Variants in SPAG16 observed in about 807,000 individuals in gnomAD.
The protein encoded by SPAG16 is sperm associated antigen 16.
In SPAG16, 86 loss-of-function variants were observed where a neutral mutation model predicts 80.4. The observed-to-expected ratio is 1.07, with a 90% CI of 0.90 to 1.28. SPAG16 has a LOEUF of 1.28. SPAG16 is among the 50% of genes most tolerant of loss of function. SPAG16 has a pLI of 0.00. For synonymous variants in SPAG16, 294 were observed against 265.9 expected (o/e 1.11, Z -1.03); for missense variants, 870 against 765.3 (o/e 1.14, Z -1.61).
chr2:213,334,306 TAATG>T (rs2064245411), intron 5 of SPAG16, among the ~76,000 whole-genome samples: 1 of 151,998 alleles, frequency 6.6e-6, no homozygotes, highest in African/African-American at 2.4e-5. Flanking sequence ...AGACAGGTAA[TAATG>T]CTGGCGAGGA....
intron 12 of SPAG16, among the ~76,000 whole-genome samples, chr2:213,992,309 A>G (rs2046323474): frequency 6.6e-6 from 1 of 152,238 alleles, no homozygotes; most frequent in East Asian, 1.9e-4. Context: ...TGAATTTCCT[A>G]GACAGTACAC....
intron 5 of SPAG16, among the ~76,000 whole-genome samples, chr2:213,329,504 G>C (rs1016665949): frequency 5.9e-5 from 9 of 152,204 alleles, no homozygotes; most frequent in African/African-American, 1.9e-4. Context: ...ACTTGAGAGA[G>C]ATGATTTAGG....
intron 10 of SPAG16, among the ~76,000 whole-genome samples, chr2:213,843,819 C>G (rs1033100829): frequency 6.6e-6 from 1 of 152,116 alleles, no homozygotes; most frequent in Admixed American, 6.5e-5. Context: ...CCACTGCACT[C>G]CAGCCTGGGC....
At chr2:213,390,852 A>C (rs953662890) in intron 9 of SPAG16, among the ~76,000 whole-genome samples, 1 of 152,166 alleles carries the variant, frequency 6.6e-6, no homozygotes, top group Non-Finnish European at 1.5e-5. Context: ...GGCTTTTCAA[A>C]GCTTGGTTTA....
At chr2:213,787,436 G>C (rs1283895554) in intron 10 of SPAG16, among the ~76,000 whole-genome samples, 1 of 151,814 alleles carries the variant, frequency 6.6e-6, no homozygotes, top group South Asian at 2.1e-4. Context: ...TCATGACTTG[G>C]GTTTAGATGT....
intron 10 of SPAG16, among the ~76,000 whole-genome samples, chr2:213,586,159 A>C (rs1207797977): frequency 1.3e-5 from 2 of 152,222 alleles, no homozygotes; most frequent in African/African-American, 4.8e-5. Context: ...TGGCTATATG[A>C]AATAAAACAT....
intron 9 of SPAG16, among the ~76,000 whole-genome samples, chr2:213,435,412 C>T (rs13029533): frequency 0.26 from 39,709 of 151,924 alleles, 6,045 homozygotes; most frequent in Middle Eastern, 0.44. Context: ...GGGTGAGGGA[C>T]AAGAAATTAC....
intron 11 of SPAG16, among the ~76,000 whole-genome samples, chr2:213,888,163 CA>C: frequency 6.6e-6 from 1 of 151,956 alleles, no homozygotes; most frequent in African/African-American, 2.4e-5. Context: ...AACTTTTCTA[CA>C]AGGGAATTAT....
intron 7 of SPAG16, among the ~76,000 whole-genome samples, chr2:213,358,103 G>A (rs1378195129): frequency 6.6e-6 from 1 of 152,168 alleles, no homozygotes; most frequent in African/African-American, 2.4e-5. Flanking sequence ...CTTCTGGCTT[G>A]TAGGGTTTCT....
In SPAG16 at chr2:214,272,916, A is replaced by C. The variant is rs529243561; in HGVS notation, c.1720+123650A>C. 4.6e-5 allele frequency among the ~76,000 whole-genome samples: 7 copies of C among 152,006 alleles called. No homozygotes were observed. In the East Asian group the frequency reaches 1.4e-3, roughly 29 times the overall value. ...AGTTTACAGTCCCACCAACAGTGTA[A>C]AAGTGTTCCTATTTCTCCACATCCT... is the stretch of plus-strand genomic sequence containing the variant. On this transcript the variant is annotated intron_variant, in intron 15 of 15. Transcript: ENST00000331683.
intron 10 of SPAG16, among the ~76,000 whole-genome samples, chr2:213,849,955 G>A (rs2074819125): frequency 6.6e-6 from 1 of 152,248 alleles, no homozygotes; most frequent in East Asian, 1.9e-4. Flanking sequence ...TCATAAAGAA[G>A]TGCGGTGATT....
chr2:213,696,965 A>G (rs1416690049), intron 10 of SPAG16, among the ~76,000 whole-genome samples: 2 of 152,334 alleles, frequency 1.3e-5, no homozygotes, highest in South Asian at 2.1e-4. Flanking sequence ...GATTGATTCA[A>G]TAGAAACAAA....
At chr2:213,291,122 G>GTTATTT (rs1350238743) in intron 1 of SPAG16, among the ~76,000 whole-genome samples, 1 of 152,104 alleles carries the variant, frequency 6.6e-6, no homozygotes, top group Non-Finnish European at 1.5e-5. Context: ...AAATCTGGGG[G>GTTATTT]TTATTTTTGA....
intron 10 of SPAG16, among the ~76,000 whole-genome samples, chr2:213,696,073 T>C (rs1574843403): frequency 6.6e-6 from 1 of 152,120 alleles, no homozygotes; most frequent in Non-Finnish European, 1.5e-5. Flanking sequence ...AGATTAAGAG[T>C]ATATCTAGAG....
chr2:213,779,830 T>C (rs151292226), intron 10 of SPAG16, among the ~76,000 whole-genome samples: 50 of 152,326 alleles, frequency 3.3e-4, no homozygotes, highest in Admixed American at 7.2e-4. Flanking sequence ...TGAAACGTGT[T>C]ATTTTATCCC....
intron 13 of SPAG16, among the ~76,000 whole-genome samples, chr2:214,101,286 T>A (rs2053007469): frequency 6.6e-6 from 1 of 151,954 alleles, no homozygotes; most frequent in Non-Finnish European, 1.5e-5. Flanking sequence ...AAAAACAACC[T>A]CCAATTCTCA....
At chr2:213,993,097 T>C (rs764460585) in intron 12 of SPAG16, among the ~76,000 whole-genome samples, 2 of 152,208 alleles carry the variant, frequency 1.3e-5, no homozygotes, top group Non-Finnish European at 2.9e-5. Context: ...TTTCACTGTC[T>C]CATTGAAACA....
At chr2:214,058,543 T>C (rs147997512) in intron 13 of SPAG16, among the ~76,000 whole-genome samples, 2 of 152,202 alleles carry the variant, frequency 1.3e-5, no homozygotes, top group African/African-American at 2.4e-5. Context: ...TTTGAGATAC[T>C]GTGAGAATTA....
intron 10 of SPAG16, among the ~76,000 whole-genome samples, chr2:213,851,359 A>C (rs1484954698): frequency 6.6e-6 from 1 of 152,002 alleles, no homozygotes; most frequent in East Asian, 1.9e-4. Flanking sequence ...AAATACAAAA[A>C]TGAGGCGTGG....
Sources: gnomAD v4.1 joint callset for allele counts (sites outside exome capture counted in the v4.1 genomes callset) on GRCh38, gnomAD v4.1.1 for gene constraint, MANE v1.5 for transcripts, NCBI Gene and HGNC (gene_info 2026-07-23, HGNC 2026-07-21) for gene names.